Variants in ALB observed in about 807,000 individuals in gnomAD.
The protein encoded by ALB is serum albumin.
Under a neutral mutation model 74.5 loss-of-function variants are expected in ALB, and 37 were observed. The ratio of observed to expected loss-of-function variants is 0.50; its 90% confidence interval spans 0.38 to 0.65. The LOEUF (loss-of-function observed/expected upper bound fraction) is 0.65. ALB is among the 30% of genes least tolerant of loss of function. The pLI, the probability that ALB is intolerant of heterozygous loss-of-function variation, is 0.00. For missense variants in ALB, 685 were observed against 718.7 expected, an observed-to-expected ratio of 0.95 and a Z score of 0.54; for synonymous variants, 249 against 251.6, an observed-to-expected ratio of 0.99 and a Z score of 0.10.
intron 7 of ALB, 124 bp from the exon 8 acceptor site, chr4:73,413,296 A>G: frequency 1.1e-6 from 1 of 900,344 alleles, no homozygotes. Context: ...GAGTATGTTC[A>G]TAGAAGGAAT....
rs1157631720 is a variant in ALB, at chr4:73,415,044, T to C, written c.1068T>C (p.Tyr356=). 1 of 1,614,086 alleles carries C rather than the reference T, an allele frequency of 6.2e-7. No individual in the cohort carries two copies. The highest frequency in any genetic ancestry group is 1.3e-5 in the African/African-American group (1 of 75,032). Residue 356 remains tyrosine, a synonymous_variant, in exon 9 of 15, where the codon TAT becomes TAC. Coordinates refer to ENST00000295897, the MANE Select transcript of ALB (RefSeq NM_000477.7). The stretch of plus-strand genomic sequence containing the variant: ...TTTTCATCTTAATTAGGTTTTTGTA[T>C]GAATATGCAAGAAGGCATCCTGATT... ...AKDVFLGMFL[Y]EYARRHPDYS... is the part of the protein sequence containing the mutation.
At chr4:73,419,789 A>AAACAGC in intron 13 of ALB, 150 bp downstream of exon 13, 1 of 1,017,772 alleles carries the variant, frequency 9.8e-7, no homozygotes, top group Non-Finnish European at 1.5e-6. Flanking sequence ...AAAATGAATA[A>AAACAGC]AACAGCACTT....
intron 7 of ALB, 26 bp from the exon 8 acceptor site, chr4:73,413,394 A>G: frequency 6.3e-7 from 1 of 1,590,222 alleles, no homozygotes; most frequent in Non-Finnish European, 8.6e-7. Context: ...ATTCGTGTTG[A>G]ACAATTTCCA....
chr4:73,415,333 A>G (rs569651045), intron 9 of ALB, 166 bp downstream of exon 9: 3 of 819,222 alleles, frequency 3.7e-6, no homozygotes, highest in East Asian at 2.7e-5. Context: ...TAGCCTTAGA[A>G]TGATTAACAA....
chr4:73,408,312 T>G (rs576482734), intron 3 of ALB, among the ~76,000 whole-genome samples: 1 of 152,354 alleles, frequency 6.6e-6, no homozygotes, highest in Non-Finnish European at 1.5e-5. Context: ...CCTTTAGTTT[T>G]AAGTTTCAAA....
At chr4:73,409,986 A>G (rs924898041) in intron 5 of ALB, among the ~76,000 whole-genome samples, 1 of 152,144 alleles carries the variant, frequency 6.6e-6, no homozygotes, top group Non-Finnish European at 1.5e-5. Flanking sequence ...AATTATACAC[A>G]AAATTTAAAA....
intron 14 of ALB, among the ~76,000 whole-genome samples, chr4:73,420,633 C>T (rs1266542780): frequency 2.6e-5 from 4 of 152,054 alleles, no homozygotes; most frequent in African/African-American, 4.8e-5. Context: ...TTATATGATG[C>T]GGTACACAGA....
At chr4:73,420,949 G>A (rs1335958454) in intron 14 of ALB, 143 bp from the exon 15 acceptor site, 5 of 523,132 alleles carry the variant, frequency 9.6e-6, no homozygotes, top group African/African-American at 3.9e-5. Flanking sequence ...TTCAGCAGCC[G>A]TAAGTCTAGG....
intron 14 of ALB, among the ~76,000 whole-genome samples, chr4:73,420,589 A>T (rs1719118231): frequency 6.6e-6 from 1 of 152,200 alleles, no homozygotes; most frequent in African/African-American, 2.4e-5. Flanking sequence ...AATTGAAACC[A>T]AAGTTTCAGT....
At chr4:73,417,394 C>G (rs895901168) in intron 10 of ALB, 137 bp from the exon 11 acceptor site, 1 of 1,155,528 alleles carries the variant, frequency 8.7e-7, no homozygotes, top group Non-Finnish European at 1.3e-6. Flanking sequence ...CACTAACCCA[C>G]TACTCTGCAG....
chr4:73,406,497 C>T, intron 2 of ALB, 132 bp from the exon 3 acceptor site: 1 of 909,138 alleles, frequency 1.1e-6, no homozygotes, highest in Non-Finnish European at 1.7e-6. Flanking sequence ...TATGAATAGG[C>T]TTTCTGGATA....
At chr4:73,408,313 A>G (rs1340119946) in intron 3 of ALB, among the ~76,000 whole-genome samples, 1 of 152,146 alleles carries the variant, frequency 6.6e-6, no homozygotes, top group East Asian at 1.9e-4. Flanking sequence ...CTTTAGTTTT[A>G]AGTTTCAAAA....
chr4:73,409,147 G>GCACACA (rs55764359), intron 4 of ALB: 8,215 of 560,070 alleles, frequency 0.015, 279 homozygotes, highest in Admixed American at 0.15. Flanking sequence ...AACCATTTAT[G>GCACACA]CACACACACA....
At chr4:73,410,027 G>A (rs1295881408) in intron 5 of ALB, among the ~76,000 whole-genome samples, 3 of 152,136 alleles carry the variant, frequency 2.0e-5, no homozygotes, top group African/African-American at 7.2e-5. Flanking sequence ...TGGGATATTA[G>A]CGTACTCTTT....
At chr4:73,410,472 A>C (rs1274507831) in intron 6 of ALB, 63 bp downstream of exon 6, 1 of 1,243,598 alleles carries the variant, frequency 8.0e-7, no homozygotes, top group African/African-American at 1.5e-5. Context: ...CTTCAGTGAC[A>C]AATTGTACAT....
chr4:73,414,995 A>G lies in ALB; in HGVS notation c.1059-40A>G, dbSNP rs781776803. ...TAGCTTTGTGATATTTTTTGTGCTC[A>G]TTTGTCCAACAAAGTCTATTTTATT... is the stretch of plus-strand genomic sequence containing the variant. On this transcript the variant is annotated intron_variant, in intron 8 of 14. Coordinates refer to ENST00000295897, the MANE Select transcript of ALB (RefSeq NM_000477.7). 3.1e-6 allele frequency: 5 copies of G among 1,610,310 alleles called. No individual in the cohort carries two copies. The South Asian group carries it at 5.5e-5, about 18-fold the overall frequency.
chr4:73,406,333 T>C (rs980717933), intron 2 of ALB, among the ~76,000 whole-genome samples: 2 of 152,216 alleles, frequency 1.3e-5, no homozygotes, highest in African/African-American at 4.8e-5. Flanking sequence ...TGCCTAGTCT[T>C]GACAATTAGA....
At chr4:73,415,254 T>C (rs769894901) in intron 9 of ALB, 87 bp downstream of exon 9, 174 of 1,467,088 alleles carry the variant, frequency 1.2e-4, no homozygotes, top group Non-Finnish European at 1.5e-4. Context: ...TGTAAAATGA[T>C]ATACAGTGCA....
At chr4:73,415,234 A>AAT in intron 9 of ALB, 67 bp downstream of exon 9, 1 of 1,560,212 alleles carries the variant, frequency 6.4e-7, no homozygotes. Flanking sequence ...AAAGAAAAAT[A>AAT]ATGCAAGAAT....
Sources: gnomAD v4.1 joint callset for allele counts (sites outside exome capture counted in the v4.1 genomes callset) on GRCh38, gnomAD v4.1.1 for gene constraint, MANE v1.5 for transcripts, NCBI Gene and HGNC (gene_info 2026-07-23, HGNC 2026-07-21) for gene names.